The following KMT2A variants were observed in gnomAD, a reference collection of about 807,000 sequenced individuals.
KMT2A encodes the protein histone-lysine N-methyltransferase 2A.
KMT2A carries 16 observed loss-of-function variants against 345.3 expected under a neutral mutation model. The observed-to-expected ratio is 0.05, with a 90% CI of 0.03 to 0.07. KMT2A has a LOEUF of 0.07. Ranked by LOEUF, KMT2A falls within the 10% of genes least tolerant of loss-of-function variation. KMT2A has a pLI of 1.00. For synonymous variants in KMT2A, 1,599 were observed against 1,778.6 expected, an observed-to-expected ratio of 0.90 and a Z score of 2.54; for missense variants, 3,272 against 4,841.6, an observed-to-expected ratio of 0.68 and a Z score of 9.62.
chr11:118,516,383 AGAGTTT>A, intron 31 of KMT2A, among the ~76,000 whole-genome samples: 1 of 152,308 alleles, frequency 6.6e-6, no homozygotes, highest in African/African-American at 2.4e-5. Context: ...CTGAGGAAGG[AGAGTTT>A]GAGCTTATAG....
chr11:118,439,174 GAAAA>G (rs1169017748), intron 1 of KMT2A: 24 of 324,170 alleles, frequency 7.4e-5, no homozygotes, highest in Admixed American at 6.0e-4. Flanking sequence ...AAAAAAAAAA[GAAAA>G]AAAAGAAAAA....
chr11:118,499,277 A>G, intron 22 of KMT2A, 26 bp from the exon 23 acceptor site: 1 of 1,433,708 alleles, frequency 7.0e-7, no homozygotes, highest in Non-Finnish European at 9.8e-7. Flanking sequence ...ACAGCCTATT[A>G]ACAGCTACCA....
intron 1 of KMT2A, among the ~76,000 whole-genome samples, chr11:118,462,433 G>A (rs1317741365): frequency 2.0e-5 from 3 of 152,164 alleles, no homozygotes; most frequent in Admixed American, 1.3e-4. Flanking sequence ...TTTTGGCTAA[G>A]CTGTCCGGAT....
In KMT2A at chr11:118,506,614, C is replaced by T; in HGVS notation, c.10722C>T (p.Asp3574=). The stretch of plus-strand genomic sequence containing the variant: ...GTTCTTCTGAAGCACACATTCCAGA[C>T]CAAGAAACGACATCCCTGACCTCAG... ...RTSSSEAHIP[D]QETTSLTSGT... is the part of the protein sequence containing the mutation. Residue 3574 remains aspartate, a synonymous_variant, in exon 27 of 36, where the codon GAC becomes GAT. Coordinates refer to ENST00000534358, the MANE Select transcript of KMT2A (RefSeq NM_001197104.2). 6.2e-7 allele frequency: 1 copy of T among 1,609,912 alleles called. No homozygotes were observed. The highest frequency in any genetic ancestry group is 8.5e-7 in the Non-Finnish European group (1 of 1,177,308).
At chr11:118,452,732 C>T (rs1555029384) in intron 1 of KMT2A, among the ~76,000 whole-genome samples, 1 of 151,638 alleles carries the variant, frequency 6.6e-6, no homozygotes, top group Non-Finnish European at 1.5e-5. Context: ...CTCCTGGGTT[C>T]AAGCGATTGT....
At chr11:118,509,289 AT>A (rs1451900584) in intron 29 of KMT2A, 89 bp downstream of exon 29, 5 of 1,078,466 alleles carry the variant, frequency 4.6e-6, no homozygotes, top group South Asian at 1.5e-5. Flanking sequence ...TATTTTCTAC[AT>A]TTAAAAAAAA....
chr11:118,501,910 T>C (rs782626212), intron 26 of KMT2A, 53 bp downstream of exon 26: 30 of 1,408,932 alleles, frequency 2.1e-5, no homozygotes, highest in Admixed American at 4.2e-5. Context: ...CAAAGACTAA[T>C]TTGTAATTCT....
At position 118,472,667 on chromosome 11, in the gene KMT2A, G is replaced by T; in HGVS notation, c.1508G>T (p.Arg503Leu). ...GAGATTCAGGTACTTCCTGAGGAGC[G>T]GAGCGATACCCCTGAAGTTCATCCT... is the stretch of plus-strand genomic sequence containing the variant. ...SEEIQVLPEE[R>L]SDTPEVHPPL... is the part of the protein sequence containing the mutation. Residue 503 changes from arginine to leucine, a missense_variant, in exon 3 of 36, where the codon CGG becomes CTG. This residue lies in a region of KMT2A where 180 missense variants were observed against 190.7 expected (regional missense o/e 0.94). Coordinates refer to ENST00000534358, the MANE Select transcript of KMT2A (RefSeq NM_001197104.2). The T allele has an allele frequency of 6.2e-7, 1 of 1,612,864 alleles. No individual in the cohort carries two copies. The highest frequency in any genetic ancestry group is 8.5e-7 in the Non-Finnish European group (1 of 1,179,816).
At chr11:118,488,889 A>G (rs1555041699) in intron 11 of KMT2A, 129 bp downstream of exon 11, 2 of 714,394 alleles carry the variant, frequency 2.8e-6, no homozygotes, top group African/African-American at 3.6e-5. Context: ...CTCTATGTGA[A>G]CAGACTTTTT....
chr11:118,457,389 C>T (rs1453523710), intron 1 of KMT2A, among the ~76,000 whole-genome samples: 1 of 150,784 alleles, frequency 6.6e-6, no homozygotes, highest in African/African-American at 2.4e-5. Context: ...GCCTCAGCCT[C>T]CTGAGTAGCT....
intron 1 of KMT2A, among the ~76,000 whole-genome samples, chr11:118,455,871 G>A (rs1381373305): frequency 1.3e-5 from 2 of 151,784 alleles, no homozygotes; most frequent in African/African-American, 2.4e-5. Flanking sequence ...GTTTTTCTTT[G>A]TAGAGATGGG....
In KMT2A at chr11:118,526,060, A is replaced by G. The variant is rs1951075947; in HGVS notation, c.*3888A>G. ...TCAGTCCATGGCTTTTAATTCTCTTAACACTATAGATAAGGATTGTGTTAC... is the reference window on the plus strand; with the variant it reads ...TCAGTCCATGGCTTTTAATTCTCTTGACACTATAGATAAGGATTGTGTTAC... On this transcript the variant is annotated 3_prime_UTR_variant, in exon 36 of 36. Transcript: ENST00000534358. The G allele has an allele frequency of 4.6e-6, 1 of 218,810 alleles. No homozygotes were observed. 13.6% of individuals were successfully genotyped at this position (218,810 alleles called of 1,614,324 possible).
chr11:118,496,509 T>C lies in KMT2A; in HGVS notation c.5664+142T>C, dbSNP rs962580476. 12 of 502,554 alleles carry C rather than the reference T, an allele frequency of 2.4e-5. No individual in the cohort carries two copies. The highest frequency in any genetic ancestry group is 1.6e-4 in the African/African-American group (8 of 51,144). The allele number at this position is 502,554 out of a possible 1,614,324, so 31.1% of individuals were successfully genotyped here. On this transcript the variant is annotated intron_variant, in intron 20 of 35. Transcript: ENST00000534358. This position sits in a 1 kb window ranked among gnomAD's most constrained non-coding sequence, Gnocchi z 4.7. ...CTAATTTATAACTTTTATTTACCTA[T>C]AACTTATAACTTATTAATTTGTAAC... is the stretch of plus-strand genomic sequence containing the variant.
chr11:118,449,032 T>TA (rs1281410700), intron 1 of KMT2A: 2 of 152,212 alleles, frequency 1.3e-5, no homozygotes, highest in Non-Finnish European at 2.9e-5. Context: ...CAAATTGTCT[T>TA]ACGATTCTTT....
chr11:118,475,503 C>T (rs1950020480), intron 3 of KMT2A, among the ~76,000 whole-genome samples: 1 of 152,160 alleles, frequency 6.6e-6, no homozygotes, highest in South Asian at 2.1e-4. Context: ...GCAGGTGGAT[C>T]ACGAGGTCAG....
chr11:118,457,264 T>C (rs1949662491), intron 1 of KMT2A, among the ~76,000 whole-genome samples: 1 of 131,930 alleles, frequency 7.6e-6, no homozygotes, highest in African/African-American at 2.9e-5. Flanking sequence ...TGCCTTTTTT[T>C]TTTTTTTTTT....
At chr11:118,456,950 A>G (rs1279453851) in intron 1 of KMT2A, among the ~76,000 whole-genome samples, 3 of 152,182 alleles carry the variant, frequency 2.0e-5, no homozygotes, top group African/African-American at 4.8e-5. Context: ...CAAGTGTTTT[A>G]TTGATTCTTT....
intron 1 of KMT2A, among the ~76,000 whole-genome samples, chr11:118,465,622 C>T (rs1486635862): frequency 1.3e-5 from 2 of 152,132 alleles, no homozygotes; most frequent in African/African-American, 4.8e-5. Flanking sequence ...GACTGAGACC[C>T]TAAACCAACC....
chr11:118,515,420 A>G (rs1555051354), intron 31 of KMT2A, among the ~76,000 whole-genome samples: 1 of 152,216 alleles, frequency 6.6e-6, no homozygotes, highest in East Asian at 1.9e-4. Flanking sequence ...ATCTTATATA[A>G]CAGAAAGTCC....
Sources: gnomAD v4.1 joint callset for allele counts (sites outside exome capture counted in the v4.1 genomes callset) on GRCh38, gnomAD v4.1.1 for gene constraint, gnomAD v4.1.1 regional missense constraint, Gnocchi (gnomAD v3.1) non-coding constraint, MANE v1.5 for transcripts, NCBI Gene and HGNC (gene_info 2026-07-23, HGNC 2026-07-21) for gene names.